Variants in CACNA1B observed in about 807,000 individuals in gnomAD.
The protein encoded by CACNA1B is voltage-dependent N-type calcium channel subunit alpha-1B.
CACNA1B carries 70 observed loss-of-function variants against 247.2 expected under a neutral mutation model. That is an observed-to-expected ratio of 0.28 (90% confidence interval 0.23 to 0.35). The LOEUF (loss-of-function observed/expected upper bound fraction) is 0.35, where lower values mean the gene tolerates loss of function less well. Ranked by LOEUF, CACNA1B falls within the 10% of genes least tolerant of loss-of-function variation. The pLI is 1.00. For synonymous variants in CACNA1B, 1,231 were observed against 1,294.4 expected, an observed-to-expected ratio of 0.95 and a Z score of 1.05; for missense variants, 2,367 against 3,197.4, an observed-to-expected ratio of 0.74 and a Z score of 6.26.
chr9:138,089,219 G>A (rs1418053568), intron 36 of CACNA1B, among the ~76,000 whole-genome samples: 1 of 151,916 alleles, frequency 6.6e-6, no homozygotes, highest in Non-Finnish European at 1.5e-5. Context: ...GGAAACTATA[G>A]GCCAATATTT....
intron 6 of CACNA1B, among the ~76,000 whole-genome samples, chr9:137,946,851 T>A (rs559282248): frequency 1.2e-4 from 18 of 152,332 alleles, no homozygotes; most frequent in African/African-American, 3.8e-4. Context: ...AACTTTGGGC[T>A]TGCCTCCTGG....
intron 6 of CACNA1B, among the ~76,000 whole-genome samples, chr9:137,944,612 C>T (rs1295489383): frequency 1.3e-5 from 2 of 152,168 alleles, no homozygotes; most frequent in Non-Finnish European, 2.9e-5. Flanking sequence ...TGAACATCTC[C>T]CCTGAGAGAT....
At chr9:138,003,971 C>T (rs866526432) in intron 15 of CACNA1B, among the ~76,000 whole-genome samples, 1 of 151,858 alleles carries the variant, frequency 6.6e-6, no homozygotes, top group African/African-American at 2.4e-5. Context: ...TGTCAAAGGG[C>T]GTGACAGTGC....
intron 31 of CACNA1B, among the ~76,000 whole-genome samples, chr9:138,060,144 T>G (rs1396714993): frequency 1.3e-5 from 2 of 152,188 alleles, no homozygotes; most frequent in Non-Finnish European, 2.9e-5. Context: ...TCTCTATATA[T>G]ATCTGGAAAT....
At chr9:138,040,523 A>G (rs545268570) in intron 20 of CACNA1B, 8 of 413,942 alleles carry the variant, frequency 1.9e-5, no homozygotes, top group South Asian at 1.3e-4. Flanking sequence ...GAGTTTATTA[A>G]GTATTAACTT....
intron 42 of CACNA1B, 76 bp from the exon 43 acceptor site, chr9:138,117,870 G>C (rs1311901569): frequency 3.3e-6 from 4 of 1,230,294 alleles, no homozygotes; most frequent in Non-Finnish European, 3.4e-6. Flanking sequence ...CGCCTGGCAG[G>C]TTGAAGCACC....
rs200683607 is a variant in CACNA1B at position 137,971,572 on chromosome 9, G to A, written c.1523G>A (p.Arg508Gln). The A allele has an allele frequency of 8.2e-5, 133 of 1,613,116 alleles. No homozygotes were observed. The highest frequency in any genetic ancestry group is 1.0e-4 in the Non-Finnish European group (119 of 1,179,554). ...CVAMVHYNQP[R>Q]RLTTTLYFAE... is the part of the protein sequence containing the mutation. The stretch of plus-strand genomic sequence containing the variant: ...GCCATGGTGCATTACAACCAGCCGC[G>A]GCGGCTTACCACGACCCTGTGTACG... Residue 508 changes from arginine (R) to glutamine (Q), a missense_variant, in exon 11 of 47, where the codon CGG becomes CAG. This residue lies in a region of CACNA1B where 219 missense variants were observed against 297.6 expected (regional missense o/e 0.74). Transcript: ENST00000371372. This position sits in a 1 kb window ranked among gnomAD's most constrained non-coding sequence, Gnocchi z 4.4.
intron 21 of CACNA1B, 29 bp from the exon 22 acceptor site, chr9:138,046,875 C>T (rs943598513): frequency 6.2e-7 from 1 of 1,607,578 alleles, no homozygotes; most frequent in Non-Finnish European, 8.5e-7. Flanking sequence ...GCTGGGGGGC[C>T]TTGTGGTGAT....
At chr9:138,069,887 C>T (rs1960060949) in intron 32 of CACNA1B, 124 bp downstream of exon 32, 2 of 825,444 alleles carry the variant, frequency 2.4e-6, no homozygotes, top group Admixed American at 3.9e-5. Flanking sequence ...GATGCGGCTG[C>T]ATCCACTCAC....
chr9:137,989,214 C>T (rs2133386270), intron 15 of CACNA1B, among the ~76,000 whole-genome samples: 1 of 152,238 alleles, frequency 6.6e-6, no homozygotes, highest in South Asian at 2.1e-4. Context: ...AAAAAGGCAC[C>T]TAAGAACAAA....
At position 138,010,530 on chromosome 9, in the gene CACNA1B, C is replaced by T. The variant is rs528692388; in HGVS notation, c.2160+453C>T. On this transcript the variant is annotated intron_variant, in intron 17 of 46. Coordinates refer to ENST00000371372, the MANE Select transcript of CACNA1B (RefSeq NM_000718.4). The surrounding 1 kb of genome is among the most constrained non-coding windows in gnomAD (Gnocchi z 5.3). Reference sequence around the variant, plus strand: ...GTGATATCCCTCCGGATGACACAGTCCCCTCCTGGTCATGCTCTCCCCAGC... The same window carrying T: ...GTGATATCCCTCCGGATGACACAGTTCCCTCCTGGTCATGCTCTCCCCAGC... 9.2e-5 allele frequency among the ~76,000 whole-genome samples: 14 copies of T among 152,282 alleles called. No homozygotes were observed. The highest frequency in any genetic ancestry group is 3.1e-4 in the African/African-American group (13 of 41,550).
intron 31 of CACNA1B, among the ~76,000 whole-genome samples, chr9:138,068,231 T>A (rs920253967): frequency 6.6e-6 from 1 of 152,014 alleles, no homozygotes; most frequent in Non-Finnish European, 1.5e-5. Context: ...GAAGGGAAGG[T>A]AGTGGCTGCA....
Position 137,878,839 on chromosome 9 carries a change from C to G in CACNA1B, c.285-215C>G, listed in dbSNP as rs112664609. On this transcript the variant is annotated intron_variant, in intron 1 of 46. Coordinates refer to ENST00000371372, the MANE Select transcript of CACNA1B (RefSeq NM_000718.4). ...CCGGGTGTGCCGAGGGGCTGGCGGC[C>G]CAGACTGCGGAGGCCCCGCCTCGCG... Among the ~76,000 whole-genome samples the G allele has an allele frequency of 0.14, 21,757 of 152,168 alleles. 1,728 individuals are homozygous for G. The highest frequency in any genetic ancestry group is 0.18 in the Admixed American group (2,684 of 15,306).
Position 137,976,430 on chromosome 9 carries a change from G to C in CACNA1B, c.1656+411G>C, listed in dbSNP as rs1045251672. On this transcript the variant is annotated intron_variant, in intron 12 of 46. Transcript: ENST00000371372. ...ACCAGCACTTCTGGGGTTGGGGCAC[G>C]ATAGGCCATGATGGTCCTGCCCTCT... is the stretch of plus-strand genomic sequence containing the variant. Among the ~76,000 whole-genome samples the C allele has an allele frequency of 2.6e-5, 4 of 152,374 alleles. No homozygotes were observed. In the East Asian group the frequency reaches 5.8e-4, roughly 22 times the overall value.
At chr9:137,900,526 C>T (rs1185050138) in intron 3 of CACNA1B, among the ~76,000 whole-genome samples, 12 of 141,994 alleles carry the variant, frequency 8.5e-5, no homozygotes, top group African/African-American at 2.1e-4. Flanking sequence ...TCTCTGTGTC[C>T]GTGTGTCCAT....
intron 6 of CACNA1B, among the ~76,000 whole-genome samples, chr9:137,948,265 G>A (rs1957821671): frequency 6.6e-6 from 1 of 152,198 alleles, no homozygotes; most frequent in Non-Finnish European, 1.5e-5. Flanking sequence ...ACAGGTGTGA[G>A]CCACCACGCC....
Position 137,971,373 on chromosome 9 carries a change from A to T in CACNA1B, c.1334-10A>T, listed in dbSNP as rs1958146087. On this transcript the variant is annotated splice_polypyrimidine_tract_variant and intron_variant, in intron 10 of 46. Coordinates refer to ENST00000371372, the MANE Select transcript of CACNA1B (RefSeq NM_000718.4). This position sits in a 1 kb window ranked among gnomAD's most constrained non-coding sequence, Gnocchi z 4.4. The stretch of plus-strand genomic sequence containing the variant: ...GTCCCCACATCCTCAGTAACTCCCC[A>T]TCCCCTCAGGATCCCCCTTCGCCCG... 2 of 1,600,664 alleles carry T rather than the reference A, an allele frequency of 1.2e-6. No individual in the cohort carries two copies. The highest frequency in any genetic ancestry group is 1.7e-6 in the Non-Finnish European group (2 of 1,172,674).
rs1165889905 is a variant in CACNA1B at position 137,974,883 on chromosome 9, G to C, written c.1544-1024G>C. The stretch of plus-strand genomic sequence containing the variant: ...CTCCCTAGCCCCTGCTGACCTGGCA[G>C]AGCCATGGTGCCTTTGGCCTGACCA... On this transcript the variant is annotated intron_variant, in intron 11 of 46. Transcript: ENST00000371372. This position sits in a 1 kb window ranked among gnomAD's most constrained non-coding sequence, Gnocchi z 4.5. 2.0e-5 allele frequency among the ~76,000 whole-genome samples: 3 copies of C among 152,234 alleles called. No homozygotes were observed. The highest frequency in any genetic ancestry group is 4.8e-5 in the African/African-American group (2 of 41,462).
Position 138,124,307 on chromosome 9 carries a change from T to A in CACNA1B, c.*2308T>A, listed in dbSNP as rs200368777. 48 of 152,296 alleles carry A rather than the reference T, an allele frequency of 3.2e-4. No homozygotes were observed. Among genetic ancestry groups the A allele is most frequent in the Admixed American group, 1.1e-3 (17 of 15,302 alleles). The allele number at this position is 152,296 out of a possible 1,614,324, so 9.4% of individuals were successfully genotyped here. On this transcript the variant is annotated 3_prime_UTR_variant, in exon 47 of 47. Coordinates refer to ENST00000371372, the MANE Select transcript of CACNA1B (RefSeq NM_000718.4). ...ATACATATATACATATATACAAGTA[T>A]GTGCATGATAATGTATATCTTCGTA...
Sources: gnomAD v4.1 joint callset for allele counts (sites outside exome capture counted in the v4.1 genomes callset) on GRCh38, gnomAD v4.1.1 for gene constraint, gnomAD v4.1.1 regional missense constraint, Gnocchi (gnomAD v3.1) non-coding constraint, MANE v1.5 for transcripts, NCBI Gene and HGNC (gene_info 2026-07-23, HGNC 2026-07-21) for gene names.